The following GALNT14 variants were observed in gnomAD, a reference collection of about 807,000 sequenced individuals.
The protein encoded by GALNT14 is polypeptide N-acetylgalactosaminyltransferase 14.
A neutral mutation model predicts 77.5 loss-of-function variants in GALNT14; 60 were observed. That is an observed-to-expected ratio of 0.77 (90% CI 0.63 to 0.96). The LOEUF is 0.96. Among genes scored for constraint, GALNT14 ranks in the 40% least tolerant of loss-of-function variants. The pLI, the probability that GALNT14 is intolerant of heterozygous loss-of-function variation, is 0.00. For missense variants in GALNT14, 710 were observed against 731.0 expected (o/e 0.97, Z 0.33); for synonymous variants, 280 against 281.7 (o/e 0.99, Z 0.06).
At chr2:30,920,630 TACACACACACACACAC>T (rs140659655) in intron 13 of GALNT14, among the ~76,000 whole-genome samples, 3 of 145,196 alleles carry the variant, frequency 2.1e-5, no homozygotes, top group South Asian at 2.2e-4. Context: ...GAGTGTATGC[TACACACACACACACAC>T]ACACACACAC....
chr2:30,964,385 C>T (rs1272075171), intron 3 of GALNT14, among the ~76,000 whole-genome samples: 1 of 152,142 alleles, frequency 6.6e-6, no homozygotes, highest in Non-Finnish European at 1.5e-5. Context: ...GCCTGGATGC[C>T]CCAGACGCTC....
intron 1 of GALNT14, among the ~76,000 whole-genome samples, chr2:31,127,394 G>T (rs899814296): frequency 2.0e-5 from 3 of 152,186 alleles, no homozygotes; most frequent in African/African-American, 7.2e-5. Flanking sequence ...AATACTTCAT[G>T]CGATGTGAAA....
At chr2:30,997,745 T>A (rs1670125467) in intron 1 of GALNT14, among the ~76,000 whole-genome samples, 1 of 152,266 alleles carries the variant, frequency 6.6e-6, no homozygotes, top group African/African-American at 2.4e-5. Flanking sequence ...TACAATGCGA[T>A]GTTTTGTTAC....
chr2:30,918,428 C>A (rs553760151), intron 13 of GALNT14, among the ~76,000 whole-genome samples: 1 of 152,312 alleles, frequency 6.6e-6, no homozygotes, highest in East Asian at 1.9e-4. Flanking sequence ...TAATACCTAT[C>A]CCAGAGTGGT....
intron 1 of GALNT14, among the ~76,000 whole-genome samples, chr2:31,027,842 T>C (rs1203290135): frequency 1.3e-5 from 2 of 151,616 alleles, no homozygotes; most frequent in African/African-American, 2.4e-5. Flanking sequence ...AAGCAACAAG[T>C]GCTGCCTGGC....
At chr2:30,903,487 T>C in the GALNT14 span, among the ~76,000 whole-genome samples, 52 of 152,246 alleles carry the variant, frequency 3.4e-4, no homozygotes, top group Admixed American at 3.4e-3. Context: ...CTTACTTGCC[T>C]GGGTGAAGCA....
At chr2:31,060,102 T>C (rs1442281458) in intron 1 of GALNT14, among the ~76,000 whole-genome samples, 3 of 152,192 alleles carry the variant, frequency 2.0e-5, no homozygotes, top group Non-Finnish European at 4.4e-5. Flanking sequence ...TTATTAGCTG[T>C]ACTCGACAGG....
Position 30,967,447 on chromosome 2 carries a change from C to T in GALNT14, c.300-1145G>A, listed in dbSNP as rs114340497. On this transcript the variant is annotated intron_variant, in intron 2 of 14. Transcript: ENST00000349752. ...GGCATAGGCTGAAGGCTCATGGTGTCGGTCCAGAGAACTTATTTAGAAAAA... is the reference window on the plus strand; with the variant it reads ...GGCATAGGCTGAAGGCTCATGGTGTTGGTCCAGAGAACTTATTTAGAAAAA... Among the ~76,000 whole-genome samples the T allele has an allele frequency of 3.3e-3, 504 of 152,186 alleles. 2 individuals are homozygous for T. The highest frequency in any genetic ancestry group is 0.01 in the African/African-American group (422 of 41,508).
At chr2:31,027,052 A>T (rs1672101724) in intron 1 of GALNT14, among the ~76,000 whole-genome samples, 1 of 152,240 alleles carries the variant, frequency 6.6e-6, no homozygotes, top group African/African-American at 2.4e-5. Flanking sequence ...CATAATCTAT[A>T]TTAAAACAAA....
At chr2:30,931,578 C>T (rs1187849231) in intron 10 of GALNT14, among the ~76,000 whole-genome samples, 1 of 151,970 alleles carries the variant, frequency 6.6e-6, no homozygotes, top group Non-Finnish European at 1.5e-5. Context: ...CCTGCCCCAG[C>T]CTGGACCCTT....
Position 31,138,378 on chromosome 2 carries a change from C to A in GALNT14, c.-292G>T. On this transcript the variant is annotated 5_prime_UTR_variant, in exon 1 of 15. Coordinates refer to ENST00000349752, the MANE Select transcript of GALNT14 (RefSeq NM_024572.4). ...GCGGTGGCTGCCGAGATGTTCCCCA[C>A]GCCGCCACCGCGGCTGCCGCCGCCG... The A allele has an allele frequency of 2.5e-6, 1 of 398,804 alleles. No individual in the cohort carries two copies. The allele number at this position is 398,804 out of a possible 1,614,324, so 24.7% of individuals were successfully genotyped here.
chr2:31,127,492 C>T (rs1005636072), intron 1 of GALNT14, among the ~76,000 whole-genome samples: 2 of 152,192 alleles, frequency 1.3e-5, no homozygotes, highest in Admixed American at 1.3e-4. Flanking sequence ...GTATTTCAAA[C>T]TACAACTGCA....
At chr2:31,121,683 A>G (rs1678422605) in intron 1 of GALNT14, among the ~76,000 whole-genome samples, 1 of 151,936 alleles carries the variant, frequency 6.6e-6, no homozygotes, top group Non-Finnish European at 1.5e-5. Flanking sequence ...CCCTTTCTCT[A>G]AGCTCCCACA....
chr2:30,994,382 C>T (rs1669895657), intron 1 of GALNT14, among the ~76,000 whole-genome samples: 1 of 152,176 alleles, frequency 6.6e-6, no homozygotes, highest in Admixed American at 6.5e-5. Context: ...GCTTGGCCCA[C>T]GTGGCAGGTT....
the GALNT14 span, among the ~76,000 whole-genome samples, chr2:30,899,248 T>C: frequency 4.2e-4 from 64 of 152,236 alleles, no homozygotes; most frequent in Admixed American, 7.8e-4. Flanking sequence ...TTGTTGAAGC[T>C]GCTTTGTCTT....
intron 1 of GALNT14, among the ~76,000 whole-genome samples, chr2:31,125,483 A>C (rs1423654620): frequency 6.6e-5 from 10 of 152,132 alleles, no homozygotes; most frequent in Admixed American, 6.5e-4. Context: ...CCCATTCTTC[A>C]GGAGAATGGA....
intron 1 of GALNT14, among the ~76,000 whole-genome samples, chr2:31,064,280 T>C (rs1438052751): frequency 6.6e-6 from 1 of 152,260 alleles, no homozygotes; most frequent in Admixed American, 6.5e-5. Context: ...CAGCTGTCAC[T>C]GGCTCCCAGG....
Position 30,966,780 on chromosome 2 carries a change from C to T in GALNT14, c.300-478G>A, listed in dbSNP as rs1026489932. Among the ~76,000 whole-genome samples, 4 of 152,176 alleles carry T rather than the reference C, an allele frequency of 2.6e-5. No individual in the cohort carries two copies. In the East Asian group the frequency reaches 7.7e-4, roughly 29 times the overall value. Reference sequence around the variant, plus strand: ...GCTACCATGTTGTGCTGACGCCCAGCCCCTGCAACACACACCTAAATGTGG... The same window carrying T: ...GCTACCATGTTGTGCTGACGCCCAGTCCCTGCAACACACACCTAAATGTGG... On this transcript the variant is annotated intron_variant, in intron 2 of 14. Coordinates refer to ENST00000349752, the MANE Select transcript of GALNT14 (RefSeq NM_024572.4).
chr2:31,103,626 G>A (rs1677402755), intron 1 of GALNT14, among the ~76,000 whole-genome samples: 1 of 151,972 alleles, frequency 6.6e-6, no homozygotes, highest in Admixed American at 6.6e-5. Context: ...GTATAATTAT[G>A]CTTATATTAC....
Sources: gnomAD v4.1 joint callset for allele counts (sites outside exome capture counted in the v4.1 genomes callset) on GRCh38, gnomAD v4.1.1 for gene constraint, MANE v1.5 for transcripts, NCBI Gene and HGNC (gene_info 2026-07-23, HGNC 2026-07-21) for gene names.